UST: variants seen among roughly 807,000 people sequenced by gnomAD.
UST encodes the protein uronyl 2-sulfotransferase.
Under a neutral mutation model 45.6 loss-of-function variants are expected in UST, and 21 were observed. The observed-to-expected ratio is 0.46, with a 90% CI of 0.33 to 0.66. UST has a LOEUF of 0.66. UST is among the 30% of genes least tolerant of loss of function. UST has a pLI of 0.02. For missense variants in UST, 463 were observed against 512.4 expected (o/e 0.90, Z 0.93); for synonymous variants, 215 against 200.6 (o/e 1.07, Z -0.61).
intron 1 of UST, among the ~76,000 whole-genome samples, chr6:148,882,143 C>T (rs12661836): frequency 0.34 from 51,061 of 151,832 alleles, 9,667 homozygotes; most frequent in East Asian, 0.51. Flanking sequence ...GTGCCAACAC[C>T]GAGGACCCTT....
intron 1 of UST, among the ~76,000 whole-genome samples, chr6:148,870,357 G>A (rs1015762717): frequency 1.3e-5 from 2 of 152,190 alleles, no homozygotes; most frequent in Non-Finnish European, 2.9e-5. Flanking sequence ...TTAAAGTTCT[G>A]CACGCATGTA....
At chr6:148,800,113 G>GA (rs1250682381) in intron 1 of UST, among the ~76,000 whole-genome samples, 4 of 152,138 alleles carry the variant, frequency 2.6e-5, no homozygotes, top group Non-Finnish European at 5.9e-5. Flanking sequence ...TGGATTTTAT[G>GA]AACAGAGTCT....
intron 7 of UST, among the ~76,000 whole-genome samples, chr6:149,060,518 A>G (rs1354888260): frequency 1.3e-5 from 2 of 152,174 alleles, no homozygotes; most frequent in Non-Finnish European, 2.9e-5. Context: ...GGCCTCCCCT[A>G]TAATTCAGGA....
chr6:149,030,477 CA>C (rs60277138), intron 7 of UST, among the ~76,000 whole-genome samples: 4 of 147,840 alleles, frequency 2.7e-5, no homozygotes, highest in Admixed American at 6.7e-5. Context: ...CTGTTTCTAC[CA>C]AAAAAAAAAA....
chr6:148,844,623 C>A (rs1295366832), intron 1 of UST, among the ~76,000 whole-genome samples: 1 of 152,000 alleles, frequency 6.6e-6, no homozygotes, highest in South Asian at 2.1e-4. Flanking sequence ...TAATTTATTT[C>A]TTATTTTATT....
intron 1 of UST, among the ~76,000 whole-genome samples, chr6:148,772,114 C>G (rs372338398): frequency 1.3e-5 from 2 of 152,190 alleles, no homozygotes; most frequent in Non-Finnish European, 2.9e-5. Context: ...CCCTGGGGAG[C>G]TGAACCTTTA....
rs60990121 is a variant in UST at position 148,946,813 on chromosome 6, C to CAAA, written c.447+5406_447+5408dup. The stretch of plus-strand genomic sequence containing the variant: ...TGGGCGACAGAGCGAGACTCCATCC[C>CAAA]AAAAAAAAAAAAAAAAAAAAAAAAA... On this transcript the variant is annotated intron_variant, in intron 3 of 7. Coordinates refer to ENST00000367463, the MANE Select transcript of UST (RefSeq NM_005715.3). 5.6e-4 allele frequency among the ~76,000 whole-genome samples: 32 copies of CAAA among 56,856 alleles called. 2 individuals are homozygous for CAAA. Among genetic ancestry groups the CAAA allele is most frequent in the African/African-American group, 1.8e-3 (18 of 10,182 alleles). The allele number at this position is 56,856 out of a possible 152,430, so 37.3% of individuals were successfully genotyped here. A position where few individuals can be genotyped will look rare whatever the true frequency, so the allele number is the denominator to read the frequency against.
chr6:149,002,666 C>T (rs567956900), intron 5 of UST, among the ~76,000 whole-genome samples: 1 of 152,070 alleles, frequency 6.6e-6, no homozygotes, highest in African/African-American at 2.4e-5. Context: ...ACCACCACGC[C>T]CAGCTAATTT....
At chr6:148,818,454 C>G (rs1457744668) in intron 1 of UST, among the ~76,000 whole-genome samples, 1 of 152,178 alleles carries the variant, frequency 6.6e-6, no homozygotes, top group Non-Finnish European at 1.5e-5. Flanking sequence ...AGAACTCTGT[C>G]CCTAATTCAG....
At chr6:148,973,498 A>G (rs535687157) in intron 5 of UST, among the ~76,000 whole-genome samples, 1 of 152,234 alleles carries the variant, frequency 6.6e-6, no homozygotes, top group African/African-American at 2.4e-5. Flanking sequence ...GAGTAGAACT[A>G]CATTTTAAAT....
intron 5 of UST, among the ~76,000 whole-genome samples, chr6:149,012,826 A>G (rs9498192): frequency 0.036 from 5,410 of 150,982 alleles, 307 homozygotes; most frequent in African/African-American, 0.13. Context: ...AAAAAAAACT[A>G]TCAGAATCAC....
chr6:149,022,546 G>A (rs1475246987), intron 7 of UST, among the ~76,000 whole-genome samples: 2 of 152,176 alleles, frequency 1.3e-5, no homozygotes, highest in Non-Finnish European at 2.9e-5. Context: ...GTTGCAGTGA[G>A]CCAAGATCGC....
At chr6:148,916,748 A>T (rs1245390165) in intron 2 of UST, among the ~76,000 whole-genome samples, 1 of 152,212 alleles carries the variant, frequency 6.6e-6, no homozygotes, top group African/African-American at 2.4e-5. Context: ...GCGTTTGAGC[A>T]CACCACTTCC....
intron 5 of UST, among the ~76,000 whole-genome samples, chr6:149,007,720 G>A (rs111824645): frequency 1.5e-3 from 232 of 152,056 alleles, no homozygotes; most frequent in African/African-American, 4.2e-3. Context: ...CACCGCGCCC[G>A]ACCTCCAGGC....
At chr6:148,990,821 C>T (rs1200982760) in intron 5 of UST, among the ~76,000 whole-genome samples, 2 of 152,224 alleles carry the variant, frequency 1.3e-5, no homozygotes, top group Non-Finnish European at 2.9e-5. Flanking sequence ...CACAGTGACA[C>T]TCTCCTAGGA....
At chr6:148,867,285 T>TACACACACACACAC (rs58093813) in intron 1 of UST, among the ~76,000 whole-genome samples, 1 of 136,740 alleles carries the variant, frequency 7.3e-6, no homozygotes, top group African/African-American at 2.8e-5. Flanking sequence ...CATTGTTGAA[T>TACACACACACACAC]ACACACACAC....
intron 1 of UST, among the ~76,000 whole-genome samples, chr6:148,757,164 C>T (rs897800129): frequency 6.6e-6 from 1 of 152,220 alleles, no homozygotes; most frequent in African/African-American, 2.4e-5. Flanking sequence ...TACCTGGTAA[C>T]ACAAACATTT....
At chr6:148,969,347 G>A (rs1335944185) in intron 5 of UST, among the ~76,000 whole-genome samples, 1 of 152,190 alleles carries the variant, frequency 6.6e-6, no homozygotes, top group Admixed American at 6.5e-5. Flanking sequence ...AGAAAGTTAC[G>A]CTCTTGGTCT....
At chr6:148,885,199 T>A (rs540391666) in intron 1 of UST, among the ~76,000 whole-genome samples, 1 of 152,298 alleles carries the variant, frequency 6.6e-6, no homozygotes, top group Non-Finnish European at 1.5e-5. Context: ...TATTTAGTTG[T>A]TGAGGCTGTC....
Sources: gnomAD v4.1 joint callset for allele counts (sites outside exome capture counted in the v4.1 genomes callset) on GRCh38, gnomAD v4.1.1 for gene constraint, MANE v1.5 for transcripts, NCBI Gene and HGNC (gene_info 2026-07-23, HGNC 2026-07-21) for gene names.